ZNF431: variants seen among roughly 807,000 people sequenced by gnomAD.
ZNF431 encodes the protein zinc finger protein 431.
A neutral mutation model predicts 57.0 loss-of-function variants in ZNF431; 34 were observed. The observed-to-expected ratio is 0.60, with a 90% CI of 0.45 to 0.79. ZNF431 has a LOEUF of 0.79. ZNF431 is among the 30% of genes least tolerant of loss of function. ZNF431 has a pLI of 0.00. For synonymous variants in ZNF431, 207 were observed against 220.3 expected, an observed-to-expected ratio of 0.94 and a Z score of 0.54; for missense variants, 607 against 667.1, an observed-to-expected ratio of 0.91 and a Z score of 0.99.
At chr19:21,170,028 G>A (rs1015695235) in intron 4 of ZNF431, 4 of 394,810 alleles carry the variant, frequency 1.0e-5, no homozygotes, top group Non-Finnish European at 1.3e-5. Context: ...AAGTTGGGTG[G>A]ACCATTTCTT....
chr19:21,156,696 GT>G (rs111603559), intron 2 of ZNF431, among the ~76,000 whole-genome samples: 2,082 of 13,774 alleles, frequency 0.15, 44 homozygotes, highest in South Asian at 0.4. Flanking sequence ...ACTTAATCTT[GT>G]TTTTTTTTTT....
intron 2 of ZNF431, 70 bp downstream of exon 2, chr19:21,143,713 T>C: frequency 8.5e-7 from 1 of 1,170,992 alleles, no homozygotes; most frequent in Non-Finnish European, 1.3e-6. Context: ...ACATTGCTGG[T>C]CAGCCAGTCC....
chr19:21,169,754 T>G (rs1599603532), intron 4 of ZNF431: 1 of 398,610 alleles, frequency 2.5e-6, no homozygotes, highest in East Asian at 3.6e-5. Flanking sequence ...TGCCTTTCAC[T>G]GAATACCAGA....
intron 2 of ZNF431, among the ~76,000 whole-genome samples, chr19:21,145,613 C>T (rs1264568745): frequency 1.3e-5 from 2 of 152,126 alleles, no homozygotes; most frequent in Non-Finnish European, 2.9e-5. Context: ...TGGGGACCCA[C>T]AGGCAAATGC....
chr19:21,175,411 G>T (rs1280507288), intron 4 of ZNF431: 3 of 695,388 alleles, frequency 4.3e-6, no homozygotes, highest in East Asian at 2.7e-5. Flanking sequence ...TTTTATTGTT[G>T]TTCTTTTTTT....
intron 2 of ZNF431, among the ~76,000 whole-genome samples, chr19:21,153,429 A>G (rs1307729619): frequency 6.6e-6 from 1 of 152,236 alleles, no homozygotes; most frequent in African/African-American, 2.4e-5. Flanking sequence ...GTGATAAATA[A>G]GAAAAGAGAG....
chr19:21,177,291 T>TTCC (rs1460759503), intron 4 of ZNF431, among the ~76,000 whole-genome samples: 1 of 152,212 alleles, frequency 6.6e-6, no homozygotes, highest in Non-Finnish European at 1.5e-5. Context: ...GGGAATCCTT[T>TTCC]TCCATTGCTT....
Position 21,182,917 on chromosome 19 carries a change from A to G in ZNF431, c.614A>G (p.Lys205Arg), listed in dbSNP as rs1483570297. 5.0e-6 allele frequency: 8 copies of G among 1,613,978 alleles called. No homozygotes were observed. The highest frequency in any genetic ancestry group is 6.8e-6 in the Non-Finnish European group (8 of 1,179,978). The change falls in exon 5 of 5, where the codon AAA (lysine) becomes AGA (arginine). Residue 205 changes from lysine (K) to arginine (R), a missense_variant. Transcript: ENST00000311048. ...AGACATACTGGAAAGAAACCTTTCA[A>G]ATGTAAAAAATGTGGCAAATCATTT... ...KTRHTGKKPF[K>R]CKKCGKSFCM...
In ZNF431 at chr19:21,193,882, C is replaced by T. The variant is rs1170845803; in HGVS notation, c.*9848C>T. 5.3e-5 allele frequency: 8 copies of T among 152,002 alleles called. No homozygotes were observed. The highest frequency in any genetic ancestry group is 8.8e-5 in the Non-Finnish European group (6 of 67,980). 9.4% of individuals were successfully genotyped at this position (152,002 alleles called of 1,614,324 possible). A position where few individuals can be genotyped will look rare whatever the true frequency, so the allele number is the denominator to read the frequency against. Reference sequence around the variant, plus strand: ...CTAAGCAATGATGAAACATACCTCACAATAATAAGAGCCATCTATGACAAA... The same window carrying T: ...CTAAGCAATGATGAAACATACCTCATAATAATAAGAGCCATCTATGACAAA... On this transcript the variant is annotated 3_prime_UTR_variant, in exon 5 of 5. Transcript: ENST00000311048.
intron 2 of ZNF431, 40 bp downstream of exon 2, chr19:21,143,683 A>G: frequency 6.7e-7 from 1 of 1,502,420 alleles, no homozygotes; most frequent in Non-Finnish European, 9.2e-7. Flanking sequence ...CGCCCAACCC[A>G]GCTTTCATTT....
At chr19:21,154,972 C>T (rs1187613225) in intron 2 of ZNF431, among the ~76,000 whole-genome samples, 1 of 152,116 alleles carries the variant, frequency 6.6e-6, no homozygotes, top group Non-Finnish European at 1.5e-5. Flanking sequence ...CTGTAAGTTG[C>T]CTGTTCACTC....
chr19:21,177,849 ATT>A lies in ZNF431; in HGVS notation c.320-4763_320-4762del, dbSNP rs373231033. Among the ~76,000 whole-genome samples, 284 of 148,012 alleles carry A rather than the reference ATT, an allele frequency of 1.9e-3. 1 individual carries two copies. The highest frequency in any genetic ancestry group is 6.6e-3 in the African/African-American group (268 of 40,506). ...TTTTGGGTTTTCATATGAGTTTTAA[ATT>A]TTTTTTTTTTCTAATTCTGTGAAGA... On this transcript the variant is annotated intron_variant, in intron 4 of 4. Coordinates refer to ENST00000311048, the MANE Select transcript of ZNF431 (RefSeq NM_133473.4).
At chr19:21,152,832 C>G (rs1970313374) in intron 2 of ZNF431, among the ~76,000 whole-genome samples, 1 of 152,066 alleles carries the variant, frequency 6.6e-6, no homozygotes, top group African/African-American at 2.4e-5. Context: ...TAAGTATAGT[C>G]CCTTTGTGGT....
chr19:21,191,877 C>T lies in ZNF431; in HGVS notation c.*7843C>T, dbSNP rs1213791724. The T allele has an allele frequency of 1.3e-5, 2 of 152,090 alleles. No homozygotes were observed. Among genetic ancestry groups the T allele is most frequent in the African/African-American group, 4.8e-5 (2 of 41,428 alleles). 9.4% of individuals were successfully genotyped at this position (152,090 alleles called of 1,614,324 possible). On this transcript the variant is annotated 3_prime_UTR_variant, in exon 5 of 5. Transcript: ENST00000311048. ...TGATACCATATGAATTTTAGATATA[C>T]TTTTAAAACTTTTCTATGAAGTATA...
intron 1 of ZNF431, 99 bp downstream of exon 1, chr19:21,142,285 C>G (rs529506986): frequency 3.6e-5 from 54 of 1,518,232 alleles, no homozygotes; most frequent in Admixed American, 1.2e-4. Flanking sequence ...GCAGTCAGCT[C>G]CACAGTCTGC....
In ZNF431 at chr19:21,149,939, AAGACAACCAGCTTG is replaced by A. The variant is rs1970221026; in HGVS notation, c.96+6298_96+6311del. ...CCTTTTATGACACAGGGCAGGCAAG[AAGACAACCAGCTTG>A]ATGGGATCCACATCATGCGCAATCA... On this transcript the variant is annotated intron_variant, in intron 2 of 4. Transcript: ENST00000311048. 6 of 601,448 alleles carry A rather than the reference AAGACAACCAGCTTG, an allele frequency of 1.0e-5. No individual in the cohort carries two copies. In the East Asian group the frequency reaches 1.4e-4, roughly 14 times the overall value. The allele number at this position is 601,448 out of a possible 1,614,324, so 37.3% of individuals were successfully genotyped here.
intron 2 of ZNF431, among the ~76,000 whole-genome samples, chr19:21,152,060 C>G (rs1970289879): frequency 6.6e-6 from 1 of 152,116 alleles, no homozygotes; most frequent in South Asian, 2.1e-4. Context: ...CTGGCCAGAT[C>G]AAAATATATG....
intron 4 of ZNF431, among the ~76,000 whole-genome samples, chr19:21,181,096 A>G: frequency 6.6e-6 from 1 of 152,196 alleles, no homozygotes; most frequent in South Asian, 2.1e-4. Flanking sequence ...GTACCTTTCA[A>G]ATTTTAGAGA....
In ZNF431 at chr19:21,184,071, C is replaced by T. The variant is rs776286138; in HGVS notation, c.*37C>T. The T allele has an allele frequency of 7.8e-5, 118 of 1,514,822 alleles. No homozygotes were observed. Among genetic ancestry groups the T allele is most frequent in the Non-Finnish European group, 9.9e-5 (112 of 1,135,094 alleles). The allele number at this position is 1,514,822 out of a possible 1,614,324, so 93.8% of individuals were successfully genotyped here. A position where few individuals can be genotyped will look rare whatever the true frequency, so the allele number is the denominator to read the frequency against. ...CTCTTACTAAGCATTAAATATTGGC[C>T]GGGTGCGGTGGCTTATGCAAAATGG... is the stretch of plus-strand genomic sequence containing the variant. On this transcript the variant is annotated 3_prime_UTR_variant, in exon 5 of 5. Coordinates refer to ENST00000311048, the MANE Select transcript of ZNF431 (RefSeq NM_133473.4).
Sources: gnomAD v4.1 joint callset for allele counts (sites outside exome capture counted in the v4.1 genomes callset) on GRCh38, gnomAD v4.1.1 for gene constraint, MANE v1.5 for transcripts, NCBI Gene and HGNC (gene_info 2026-07-23, HGNC 2026-07-21) for gene names.